The following TMEM131L variants were observed in gnomAD, a reference collection of about 807,000 sequenced individuals.
TMEM131L encodes the protein transmembrane 131 like, also known as transmembrane protein 131-like.
TMEM131L carries 54 observed loss-of-function variants against 192.2 expected under a neutral mutation model. The observed-to-expected ratio is 0.28, with a 90% CI of 0.23 to 0.35. TMEM131L has a LOEUF of 0.35. TMEM131L is among the 10% of genes least tolerant of loss of function. The pLI, the probability that TMEM131L is intolerant of heterozygous loss-of-function variation, is 1.00. For synonymous variants in TMEM131L, 701 were observed against 704.9 expected (o/e 0.99, Z 0.09); for missense variants, 1,888 against 1,972.9 (o/e 0.96, Z 0.82).
At chr4:153,598,806 CTAAATTT>C (rs1025985004) in intron 21 of TMEM131L, 74 bp downstream of exon 21, 2 of 1,220,976 alleles carry the variant, frequency 1.6e-6, no homozygotes, top group African/African-American at 1.6e-5. Context: ...TCTATAAATT[CTAAATTT>C]TAAATTCTAA....
At chr4:153,501,556 G>A (rs1237675696) in intron 3 of TMEM131L, among the ~76,000 whole-genome samples, 1 of 152,036 alleles carries the variant, frequency 6.6e-6, no homozygotes, top group Non-Finnish European at 1.5e-5. Context: ...GTATTTTCTG[G>A]CACATGGTAA....
At chr4:153,476,373 G>A (rs571796379) in intron 3 of TMEM131L, among the ~76,000 whole-genome samples, 1 of 152,136 alleles carries the variant, frequency 6.6e-6, no homozygotes, top group Non-Finnish European at 1.5e-5. Flanking sequence ...GTAGCAGAAG[G>A]CTTTGAACAT....
chr4:153,621,417 G>A lies in TMEM131L; in HGVS notation c.3693-266G>A, dbSNP rs9998129. ...TATGTGGTTTGACAAGCTGGTAAGG[G>A]GCAGATCCAGAATTCGAACCCAGGC... On this transcript the variant is annotated intron_variant, in intron 27 of 34. Coordinates refer to ENST00000409959, the MANE Select transcript of TMEM131L (RefSeq NM_001131007.2). 1.0e-2 allele frequency among the ~76,000 whole-genome samples: 1,522 copies of A among 152,266 alleles called. 28 individuals are homozygous for A. The highest frequency in any genetic ancestry group is 0.034 in the African/African-American group (1,422 of 41,536).
intron 3 of TMEM131L, among the ~76,000 whole-genome samples, chr4:153,533,439 G>A (rs945371241): frequency 2.0e-5 from 3 of 152,172 alleles, no homozygotes; most frequent in African/African-American, 7.2e-5. Flanking sequence ...CCTGTATTTT[G>A]TGTCACTGGC....
intron 34 of TMEM131L, 40 bp from the exon 35 acceptor site, chr4:153,636,261 T>G: frequency 6.4e-7 from 1 of 1,574,308 alleles, no homozygotes; most frequent in Middle Eastern, 1.7e-4. Context: ...GGCTTTTTTT[T>G]TTCTTTTAAC....
chr4:153,528,361 T>A (rs114703469), intron 3 of TMEM131L, among the ~76,000 whole-genome samples: 2,168 of 152,284 alleles, frequency 0.014, 46 homozygotes, highest in African/African-American at 0.043. Flanking sequence ...TCCAGTGAAG[T>A]GGGAAAACTG....
At chr4:153,470,403 C>T (rs1478115193) in intron 2 of TMEM131L, among the ~76,000 whole-genome samples, 2 of 152,140 alleles carry the variant, frequency 1.3e-5, no homozygotes, top group African/African-American at 4.8e-5. Context: ...TAACTCAGCA[C>T]TATTGTGTGC....
intron 4 of TMEM131L, among the ~76,000 whole-genome samples, chr4:153,553,580 T>C (rs1278716675): frequency 1.3e-5 from 2 of 152,146 alleles, no homozygotes; most frequent in Non-Finnish European, 2.9e-5. Context: ...AACTTTAGCC[T>C]GAGGGTTCTC....
chr4:153,472,773 T>C (rs1381631429), intron 2 of TMEM131L, among the ~76,000 whole-genome samples: 1 of 152,176 alleles, frequency 6.6e-6, no homozygotes. Flanking sequence ...GAACAGCCAG[T>C]GCAAAGGCCC....
At chr4:153,467,182 A>G in intron 1 of TMEM131L, 29 bp from the exon 2 acceptor site, 3 of 1,549,700 alleles carry the variant, frequency 1.9e-6, no homozygotes, top group Non-Finnish European at 2.6e-6. Flanking sequence ...TGCATTAAAA[A>G]CGTGGTGTAT....
At chr4:153,499,750 G>A (rs963723491) in intron 3 of TMEM131L, among the ~76,000 whole-genome samples, 2 of 152,124 alleles carry the variant, frequency 1.3e-5, no homozygotes, top group Admixed American at 6.5e-5. Flanking sequence ...ACCCTGATTG[G>A]TTATTCAGCT....
intron 3 of TMEM131L, among the ~76,000 whole-genome samples, chr4:153,489,607 A>G (rs1322647635): frequency 6.6e-6 from 1 of 152,092 alleles, no homozygotes; most frequent in Non-Finnish European, 1.5e-5. Flanking sequence ...CCCCCTGAGT[A>G]GCTGGGGTTA....
chr4:153,612,781 C>T (rs1230366801), intron 26 of TMEM131L, among the ~76,000 whole-genome samples: 3 of 152,030 alleles, frequency 2.0e-5, no homozygotes, highest in South Asian at 4.2e-4. Flanking sequence ...TATCTATTAT[C>T]GTCTTCTGTC....
At chr4:153,620,982 C>A in intron 27 of TMEM131L, 102 bp downstream of exon 27, 3 of 761,758 alleles carry the variant, frequency 3.9e-6, no homozygotes, top group South Asian at 1.7e-5. Flanking sequence ...TATTAGATAC[C>A]GATAATATGA....
At chr4:153,548,368 G>A (rs1209243939) in intron 3 of TMEM131L, among the ~76,000 whole-genome samples, 4 of 152,246 alleles carry the variant, frequency 2.6e-5, no homozygotes, top group Admixed American at 6.5e-5. Context: ...GCAGTGGCAC[G>A]ATCTTGGCTC....
At chr4:153,621,261 T>A (rs2126733855) in intron 27 of TMEM131L, among the ~76,000 whole-genome samples, 1 of 152,290 alleles carries the variant, frequency 6.6e-6, no homozygotes, top group East Asian at 1.9e-4. Context: ...TGTTCCCTGT[T>A]CAGCCACTGA....
intron 3 of TMEM131L, among the ~76,000 whole-genome samples, chr4:153,484,292 T>C (rs1400445645): frequency 9.8e-5 from 15 of 152,290 alleles, no homozygotes; most frequent in Admixed American, 6.5e-5. Flanking sequence ...ATTTTACAGA[T>C]GTGTGGTGCC....
chr4:153,558,385 T>G lies in TMEM131L; in HGVS notation c.660+17T>G. On this transcript the variant is annotated intron_variant, in intron 7 of 34. Transcript: ENST00000409959. ...CAAATGCAGGTCATTTTAATAGATT[T>G]ACTTTGAATGCTGGTGGCCACCAAA... 6.8e-7 allele frequency: 1 copy of G among 1,465,990 alleles called. No homozygotes were observed. Among genetic ancestry groups the G allele is most frequent in the Non-Finnish European group, 9.5e-7 (1 of 1,052,586 alleles). The allele number at this position is 1,465,990 out of a possible 1,614,324, so 90.8% of individuals were successfully genotyped here. A position where few individuals can be genotyped will look rare whatever the true frequency, so the allele number is the denominator to read the frequency against.
intron 3 of TMEM131L, among the ~76,000 whole-genome samples, chr4:153,530,002 AG>A (rs1735772984): frequency 6.7e-6 from 1 of 150,312 alleles, no homozygotes; most frequent in African/African-American, 2.4e-5. Context: ...TTCCATTTGC[AG>A]CCTCTAAAAT....
Sources: allele counts gnomAD v4.1 joint callset (sites outside exome capture counted in the v4.1 genomes callset), GRCh38; gene constraint gnomAD v4.1.1; transcripts MANE v1.5; gene names NCBI Gene and HGNC (gene_info 2026-07-23, HGNC 2026-07-21).